Variants in PDE8B observed in about 807,000 individuals in gnomAD.
PDE8B encodes the protein phosphodiesterase 8B, also known as high affinity cAMP-specific and IBMX-insensitive 3',5'-cyclic phosphodiesterase 8B.
A neutral mutation model predicts 101.3 loss-of-function variants in PDE8B; 26 were observed. The observed-to-expected ratio is 0.26, with a 90% CI of 0.19 to 0.36. The LOEUF is 0.36. Among genes scored for constraint, PDE8B ranks in the 10% least tolerant of loss-of-function variants. PDE8B has a pLI of 1.00. For synonymous variants in PDE8B, 424 were observed against 429.3 expected, an observed-to-expected ratio of 0.99 and a Z score of 0.15; for missense variants, 810 against 1,163.1, an observed-to-expected ratio of 0.70 and a Z score of 4.42.
the PDE8B span, among the ~76,000 whole-genome samples, chr5:77,193,365 T>G: frequency 6.6e-6 from 1 of 152,110 alleles, no homozygotes; most frequent in Non-Finnish European, 1.5e-5. Flanking sequence ...AAGGATTTTG[T>G]TTTTTTGCTT....
the PDE8B span, among the ~76,000 whole-genome samples, chr5:77,124,973 A>T: frequency 2.0e-5 from 3 of 152,066 alleles, no homozygotes; most frequent in Non-Finnish European, 4.4e-5. Context: ...ACCTGTTAGG[A>T]TTTTCACGTT....
intron 20 of PDE8B, among the ~76,000 whole-genome samples, chr5:77,424,539 A>G (rs1174083025): frequency 2.0e-5 from 3 of 152,224 alleles, no homozygotes; most frequent in Non-Finnish European, 2.9e-5. Flanking sequence ...CTAATACCCA[A>G]GTTTGAACAA....
the PDE8B span, among the ~76,000 whole-genome samples, chr5:77,160,430 T>C: frequency 4.6e-5 from 7 of 152,226 alleles, no homozygotes; most frequent in African/African-American, 1.2e-4. Flanking sequence ...ATTTTCAATC[T>C]ATGGTTGGAA....
At chr5:77,399,466 A>ACT (rs1157132996) in intron 10 of PDE8B, among the ~76,000 whole-genome samples, 1 of 152,244 alleles carries the variant, frequency 6.6e-6, no homozygotes, top group Admixed American at 6.5e-5. Context: ...TTGAGTGGCT[A>ACT]CAAAGATTTA....
Position 77,259,078 on chromosome 5 carries a change from C to G in PDE8B, c.339+47814C>G, listed in dbSNP as rs1287937599. On this transcript the variant is annotated intron_variant, in intron 1 of 21. Transcript: ENST00000264917. ...CACACACACACACACACCCCCGCCCCCCCCCCACACACACACACGAATGTT... is the reference window on the plus strand; with the variant it reads ...CACACACACACACACACCCCCGCCCGCCCCCCACACACACACACGAATGTT... 9.4e-4 allele frequency among the ~76,000 whole-genome samples: 70 copies of G among 74,196 alleles called. 6 individuals carry two copies. The highest frequency in any genetic ancestry group is 3.8e-3 in the African/African-American group (69 of 17,940). The allele number at this position is 74,196 out of a possible 152,430, so 48.7% of individuals were successfully genotyped here.
At chr5:77,266,471 GC>G (rs1280659393) in intron 1 of PDE8B, among the ~76,000 whole-genome samples, 1 of 152,188 alleles carries the variant, frequency 6.6e-6, no homozygotes. Flanking sequence ...GCTGTGATGT[GC>G]CTTTTGAAGA....
chr5:77,154,940 T>G, the PDE8B span, among the ~76,000 whole-genome samples: 1 of 152,116 alleles, frequency 6.6e-6, no homozygotes, highest in Non-Finnish European at 1.5e-5. Flanking sequence ...GAGACCTTAG[T>G]GATCATTGAG....
chr5:77,090,423 G>T, the PDE8B span, among the ~76,000 whole-genome samples: 1 of 151,864 alleles, frequency 6.6e-6, no homozygotes, highest in South Asian at 2.1e-4. Flanking sequence ...ACAGGCGCCC[G>T]CCACCACACC....
At chr5:77,141,990 A>C in the PDE8B span, 1 of 152,238 alleles carries the variant, frequency 6.6e-6, no homozygotes, top group African/African-American at 2.4e-5. Context: ...AACACGTAAC[A>C]TAATGTAAAG....
chr5:77,126,692 T>A, the PDE8B span, among the ~76,000 whole-genome samples: 2 of 152,196 alleles, frequency 1.3e-5, no homozygotes, highest in Admixed American at 1.3e-4. Context: ...AATGTTGGGA[T>A]TACAGGCGTG....
At chr5:77,385,542 C>G (rs1450869124) in intron 10 of PDE8B, among the ~76,000 whole-genome samples, 3 of 151,500 alleles carry the variant, frequency 2.0e-5, no homozygotes, top group Non-Finnish European at 4.4e-5. Flanking sequence ...TTGCTCTTCT[C>G]TAGTTCTTTT....
chr5:77,299,345 A>G (rs906826414), intron 1 of PDE8B, among the ~76,000 whole-genome samples: 10 of 151,784 alleles, frequency 6.6e-5, no homozygotes, highest in Non-Finnish European at 1.2e-4. Flanking sequence ...ATACGTATAC[A>G]TGTGCCATGT....
At chr5:77,330,938 C>T (rs1777000096) in intron 4 of PDE8B, among the ~76,000 whole-genome samples, 1 of 152,236 alleles carries the variant, frequency 6.6e-6, no homozygotes, top group Non-Finnish European at 1.5e-5. Flanking sequence ...ATACTTCTCT[C>T]CCATTTGGAT....
intron 10 of PDE8B, among the ~76,000 whole-genome samples, chr5:77,379,307 T>TG (rs975760702): frequency 1.3e-5 from 2 of 152,172 alleles, no homozygotes; most frequent in Non-Finnish European, 2.9e-5. Context: ...GAAAATGATC[T>TG]GGGGGAAAAA....
At chr5:77,318,077 A>C (rs1309477872) in intron 2 of PDE8B, among the ~76,000 whole-genome samples, 5 of 149,442 alleles carry the variant, frequency 3.3e-5, no homozygotes, top group African/African-American at 4.9e-5. Flanking sequence ...AAAAAAAAAA[A>C]CACAACAACA....
At chr5:77,094,321 T>A in the PDE8B span, among the ~76,000 whole-genome samples, 1 of 152,078 alleles carries the variant, frequency 6.6e-6, no homozygotes, top group Non-Finnish European at 1.5e-5. Context: ...CTTTACATAC[T>A]TTTTTTGAGA....
intron 1 of PDE8B, among the ~76,000 whole-genome samples, chr5:77,241,770 C>T (rs1254140578): frequency 6.6e-6 from 1 of 152,224 alleles, no homozygotes; most frequent in African/African-American, 2.4e-5. Flanking sequence ...ATTAAAGCTG[C>T]ATTGATTTGC....
At chr5:77,349,347 CG>C in intron 7 of PDE8B, 71 bp from the exon 8 acceptor site, 1 of 1,589,870 alleles carries the variant, frequency 6.3e-7, no homozygotes, top group Non-Finnish European at 8.6e-7. Flanking sequence ...AGTCTTCCTA[CG>C]GGGCACACAG....
At chr5:77,378,050 C>CT (rs1297659516) in intron 10 of PDE8B, among the ~76,000 whole-genome samples, 1 of 110,188 alleles carries the variant, frequency 9.1e-6, no homozygotes, top group Non-Finnish European at 1.7e-5. Flanking sequence ...ACACACACAC[C>CT]CCCTGTTGGT....
Sources: allele counts gnomAD v4.1 joint callset (sites outside exome capture counted in the v4.1 genomes callset), GRCh38; gene constraint gnomAD v4.1.1; transcripts MANE v1.5; gene names NCBI Gene and HGNC (gene_info 2026-07-23, HGNC 2026-07-21).